DAP3: variants seen among roughly 807,000 people sequenced by gnomAD.
DAP3 encodes the protein death associated protein 3, also known as small ribosomal subunit protein mS29.
Under a neutral mutation model 51.9 loss-of-function variants are expected in DAP3, and 28 were observed. The ratio of observed to expected loss-of-function variants is 0.54; its 90% CI spans 0.40 to 0.74. DAP3 has a LOEUF of 0.74. Among genes scored for constraint, DAP3 ranks in the 30% least tolerant of loss-of-function variants. The pLI, the probability that DAP3 is intolerant of heterozygous loss-of-function variation, is 0.00. For synonymous variants in DAP3, 170 were observed against 170.3 expected (o/e 1.00, Z 0.01); for missense variants, 458 against 483.5 (o/e 0.95, Z 0.49).
chr1:155,697,288 C>T (rs1654653601), intron 1 of DAP3, among the ~76,000 whole-genome samples: 1 of 152,078 alleles, frequency 6.6e-6, no homozygotes, highest in Non-Finnish European at 1.5e-5. Context: ...GGTGGCCATT[C>T]CGGACATTTC....
intron 1 of DAP3, among the ~76,000 whole-genome samples, chr1:155,694,899 T>C (rs910388205): frequency 6.6e-6 from 1 of 152,218 alleles, no homozygotes; most frequent in Non-Finnish European, 1.5e-5. Flanking sequence ...GCGGAAGATG[T>C]TCAAAAAATT....
At chr1:155,709,656 T>C (rs1277768961) in intron 1 of DAP3, 117 bp from the exon 2 acceptor site, 16 of 700,858 alleles carry the variant, frequency 2.3e-5, no homozygotes, top group African/African-American at 3.6e-5. Flanking sequence ...ATTCTTTATA[T>C]ATTCTAGATA....
chr1:155,715,435 T>C (rs987929072), intron 2 of DAP3, among the ~76,000 whole-genome samples: 5 of 151,922 alleles, frequency 3.3e-5, no homozygotes, highest in Non-Finnish European at 7.4e-5. Flanking sequence ...GATGGGAGCA[T>C]GGCTTGGGCC....
chr1:155,716,674 G>A (rs1657374719), intron 2 of DAP3, among the ~76,000 whole-genome samples: 1 of 151,932 alleles, frequency 6.6e-6, no homozygotes, highest in Admixed American at 6.6e-5. Context: ...AGCCAGGTGT[G>A]GTGGCTCAAG....
At chr1:155,727,522 TC>T (rs910766116) in intron 6 of DAP3, 85 bp from the exon 7 acceptor site, 107 of 1,441,118 alleles carry the variant, frequency 7.4e-5, no homozygotes, top group Non-Finnish European at 8.9e-5. Context: ...TAAAGTCATT[TC>T]CCATAACTTA....
chr1:155,733,116 A>G (rs888746155), intron 11 of DAP3, among the ~76,000 whole-genome samples: 1 of 152,212 alleles, frequency 6.6e-6, no homozygotes, highest in African/African-American at 2.4e-5. Flanking sequence ...TGTTTTTGGC[A>G]TGTGCATGCC....
intron 7 of DAP3, 126 bp downstream of exon 7, chr1:155,727,864 C>G (rs529630299): frequency 1.7e-6 from 2 of 1,199,710 alleles, no homozygotes; most frequent in Non-Finnish European, 2.2e-6. Flanking sequence ...TAATTTCTTT[C>G]ATACGTTTTG....
intron 1 of DAP3, among the ~76,000 whole-genome samples, chr1:155,698,032 C>T (rs1291898032): frequency 3.9e-5 from 6 of 152,234 alleles, no homozygotes; most frequent in Admixed American, 3.3e-4. Context: ...CCTGGCCCCA[C>T]AGGCAGTCAG....
At chr1:155,713,701 A>G (rs896909900) in intron 2 of DAP3, among the ~76,000 whole-genome samples, 4 of 152,336 alleles carry the variant, frequency 2.6e-5, no homozygotes, top group East Asian at 1.9e-4. Context: ...TTGGATGTCA[A>G]TTCTAGTTCA....
chr1:155,695,898 G>A (rs1553313151), intron 1 of DAP3, among the ~76,000 whole-genome samples: 1 of 152,142 alleles, frequency 6.6e-6, no homozygotes, highest in Non-Finnish European at 1.5e-5. Flanking sequence ...GTAATTTTCG[G>A]AAGAACCTAT....
chr1:155,718,359 C>G (rs1024123228), intron 3 of DAP3, among the ~76,000 whole-genome samples: 4 of 151,884 alleles, frequency 2.6e-5, no homozygotes, highest in African/African-American at 4.8e-5. Flanking sequence ...GCACTCCAGG[C>G]TGGGCAAGAG....
chr1:155,689,288 C>T (rs996658130), intron 1 of DAP3, 114 bp downstream of exon 1: 10 of 636,284 alleles, frequency 1.6e-5, no homozygotes, highest in Admixed American at 1.0e-4. Flanking sequence ...GGGGGGGATT[C>T]CTCCCGGGCG....
chr1:155,735,108 G>GAAA (rs1344051039), intron 11 of DAP3, among the ~76,000 whole-genome samples: 1 of 67,578 alleles, frequency 1.5e-5, no homozygotes, highest in Non-Finnish European at 2.9e-5. Flanking sequence ...ACCAAAAAAT[G>GAAA]AAAAAAAAAA....
chr1:155,727,794 C>T, intron 7 of DAP3, 56 bp downstream of exon 7: 2 of 1,581,294 alleles, frequency 1.3e-6, no homozygotes, highest in Admixed American at 1.8e-5. Context: ...ATTCTTTGTG[C>T]CCTGAGTACC....
intron 10 of DAP3, 47 bp from the exon 11 acceptor site, chr1:155,731,897 C>T (rs1321132407): frequency 6.5e-7 from 1 of 1,535,540 alleles, no homozygotes; most frequent in South Asian, 1.2e-5. Context: ...TGCAGTTTTC[C>T]ATCCTTTTTA....
chr1:155,722,261 T>G (rs1264439419), intron 4 of DAP3, among the ~76,000 whole-genome samples: 1 of 151,856 alleles, frequency 6.6e-6, no homozygotes, highest in African/African-American at 2.4e-5. Context: ...AAATTAAAAA[T>G]TAGCTGGGCA....
chr1:155,699,222 G>A (rs796203952), intron 1 of DAP3, among the ~76,000 whole-genome samples: 6 of 152,352 alleles, frequency 3.9e-5, no homozygotes, highest in African/African-American at 1.4e-4. Context: ...CACGTAATGT[G>A]TAGCAGAGGC....
upstream of DAP3, chr1:155,688,342 G>T: frequency 6.5e-7 from 1 of 1,549,590 alleles, no homozygotes; most frequent in East Asian, 2.4e-5. Flanking sequence ...GGCGGCAGCA[G>T]AGTGGCCGCG....
intron 1 of DAP3, among the ~76,000 whole-genome samples, chr1:155,691,874 G>A (rs1003806142): frequency 2.8e-5 from 4 of 141,284 alleles, no homozygotes; most frequent in Non-Finnish European, 4.4e-5. Context: ...TCCGAAGTCC[G>A]GTGGCGACAA....
Sources: allele counts gnomAD v4.1 joint callset (sites outside exome capture counted in the v4.1 genomes callset), GRCh38; gene constraint gnomAD v4.1.1; transcripts MANE v1.5; gene names NCBI Gene and HGNC (gene_info 2026-07-23, HGNC 2026-07-21).